Variants in UTP3 observed in about 807,000 individuals in gnomAD.
The protein encoded by UTP3 is something about silencing protein 10.
A neutral mutation model predicts 37.9 loss-of-function variants in UTP3; 19 were observed. The ratio of observed to expected loss-of-function variants is 0.50; its 90% confidence interval spans 0.35 to 0.74. The LOEUF (loss-of-function observed/expected upper bound fraction) is 0.74, where lower values mean the gene tolerates loss of function less well. Among genes scored for constraint, UTP3 ranks in the 30% least tolerant of loss-of-function variants. The probability of loss-of-function intolerance (pLI) is 0.01; values close to 1 mark genes in which losing one functional copy is unlikely to be tolerated. For missense variants in UTP3, 504 were observed against 570.7 expected (o/e 0.88, Z 1.19); for synonymous variants, 242 against 218.5 (o/e 1.11, Z -0.95).
At position 70,690,514 on chromosome 4, in the gene UTP3, A is replaced by G. The variant is rs1264293591; in HGVS notation, c.*397A>G. On this transcript the variant is annotated 3_prime_UTR_variant, in exon 1 of 1. Coordinates refer to ENST00000254803, the MANE Select transcript of UTP3 (RefSeq NM_020368.3). ...TTTACCTAACTATAATTATTGGGCC[A>G]GATACTTGTTAATAAATGGGCTTAA... is the stretch of plus-strand genomic sequence containing the variant. The G allele has an allele frequency of 1.2e-5, 2 of 169,470 alleles. No homozygotes were observed. The highest frequency in any genetic ancestry group is 2.4e-5 in the African/African-American group (1 of 41,510). The allele number at this position is 169,470 out of a possible 1,614,324, so 10.5% of individuals were successfully genotyped here. A position where few individuals can be genotyped will look rare whatever the true frequency, so the allele number is the denominator to read the frequency against.
In UTP3 at chr4:70,689,015, G is replaced by T. The variant is rs1228530011; in HGVS notation, c.338G>T (p.Ser113Ile). Residue 113 changes from serine to isoleucine, a missense_variant, in exon 1 of 1, where the codon AGC (serine) becomes ATC (isoleucine). Ser to Ile is a moderately radical substitution (Grantham distance 142). Coordinates refer to ENST00000254803, the MANE Select transcript of UTP3 (RefSeq NM_020368.3). ...EEENADDDGGSSVQSEAEASV... is the reference protein window; with the variant it reads ...EEENADDDGGISVQSEAEASV... ...GAGAATGCCGATGATGATGGTGGGA[G>T]CTCCGTGCAAAGTGAAGCTGAGGCC... is the stretch of plus-strand genomic sequence containing the variant. 1 of 1,589,676 alleles carries T rather than the reference G, an allele frequency of 6.3e-7. No individual in the cohort carries two copies. The highest frequency in any genetic ancestry group is 8.6e-7 in the Non-Finnish European group (1 of 1,167,150).
Position 70,690,055 on chromosome 4 carries a change from C to T in UTP3, c.1378C>T (p.Arg460Cys), listed in dbSNP as rs758568332. The T allele has an allele frequency of 2.7e-5, 44 of 1,613,414 alleles. No homozygotes were observed. The highest frequency in any genetic ancestry group is 3.7e-5 in the Non-Finnish European group (44 of 1,179,878). ...TCGTGAAGTTCGTAAAGAAGAGCAA[C>T]GTTATAGTGGTGAATTATCTGGCAT... ...QVREVRKEEQ[R>C]YSGELSGIRA... The change falls in exon 1 of 1, where the codon CGT becomes TGT. Residue 460 changes from arginine (R) to cysteine (C), a missense_variant. Arg to Cys is a radical substitution (Grantham distance 180, BLOSUM62 -3). Coordinates refer to ENST00000254803, the MANE Select transcript of UTP3 (RefSeq NM_020368.3).
rs1446627317 is a variant in UTP3 at position 70,690,257 on chromosome 4, A to T, written c.*140A>T. The T allele has an allele frequency of 6.6e-6, 6 of 909,728 alleles. No homozygotes were observed. Among genetic ancestry groups the T allele is most frequent in the Non-Finnish European group, 9.1e-6 (6 of 661,466 alleles). 56.4% of individuals were successfully genotyped at this position (909,728 alleles called of 1,614,324 possible). On this transcript the variant is annotated 3_prime_UTR_variant, in exon 1 of 1. Coordinates refer to ENST00000254803, the MANE Select transcript of UTP3 (RefSeq NM_020368.3). ...GGAAATTTGTCTGGGTTATTGGACAATTTATAAGAACTATGGGAGCAATAT... is the reference window on the plus strand; with the variant it reads ...GGAAATTTGTCTGGGTTATTGGACATTTTATAAGAACTATGGGAGCAATAT...
At position 70,688,717 on chromosome 4, in the gene UTP3, G is replaced by A. The variant is rs764236225; in HGVS notation, c.40G>A (p.Ala14Thr). 6.2e-7 allele frequency: 1 copy of A among 1,613,982 alleles called. No individual in the cohort carries two copies. The highest frequency in any genetic ancestry group is 1.1e-5 in the South Asian group (1 of 91,056). Reference sequence around the variant, plus strand: ...CCGGCGGCGCGGAGCAGCTAAGTGGGCAGCTGTGCGAGCCAAGGCAGGTCC... The same window carrying A: ...CCGGCGGCGCGGAGCAGCTAAGTGGACAGCTGTGCGAGCCAAGGCAGGTCC... ...RSRRRGAAKWAAVRAKAGPTL... is the reference protein window; with the variant it reads ...RSRRRGAAKWTAVRAKAGPTL... Residue 14 changes from alanine to threonine, a missense_variant, in exon 1 of 1, where the codon GCA becomes ACA. Coordinates refer to ENST00000254803, the MANE Select transcript of UTP3 (RefSeq NM_020368.3).
Position 70,689,189 on chromosome 4 carries a change from G to A in UTP3, c.512G>A (p.Arg171His), listed in dbSNP as rs1286325015. 2 of 1,614,012 alleles carry A rather than the reference G, an allele frequency of 1.2e-6. No homozygotes were observed. The highest frequency in any genetic ancestry group is 1.7e-6 in the Non-Finnish European group (2 of 1,180,028). Residue 171 changes from arginine to histidine, a missense_variant, in exon 1 of 1, where the codon CGC becomes CAC. Physicochemically the swap from Arg to His is conservative, Grantham distance 29. Coordinates refer to ENST00000254803, the MANE Select transcript of UTP3 (RefSeq NM_020368.3). ...EEEEAQIIQR[R>H]LAQALQEDDF... ...GAGGAGGCACAGATCATTCAGCGGC[G>A]CCTAGCCCAAGCGCTGCAAGAGGAT... is the stretch of plus-strand genomic sequence containing the variant.
Position 70,689,741 on chromosome 4 carries a change from C to T in UTP3, c.1064C>T (p.Ser355Phe). The change falls in exon 1 of 1, where the codon TCT (serine) becomes TTT (phenylalanine). Residue 355 changes from serine (S) to phenylalanine (F), a missense_variant. Ser to Phe is a radical substitution (Grantham distance 155, BLOSUM62 -2). Transcript: ENST00000254803. ...KPKPKSVSKT[S>F]AAACAVTDLS... Reference sequence around the variant, plus strand: ...AAACCAAAGTCTGTTTCAAAGACTTCTGCTGCTGCCTGTGCTGTTACAGAT... The same window carrying T: ...AAACCAAAGTCTGTTTCAAAGACTTTTGCTGCTGCCTGTGCTGTTACAGAT... The T allele has an allele frequency of 1.9e-6, 3 of 1,614,214 alleles. No individual in the cohort carries two copies. Among genetic ancestry groups the T allele is most frequent in the Middle Eastern group, 1.7e-4 (1 of 6,060 alleles).
In UTP3 at chr4:70,689,878, G is replaced by T; in HGVS notation, c.1201G>T (p.Ala401Ser). The T allele has an allele frequency of 6.2e-7, 1 of 1,613,986 alleles. No individual in the cohort carries two copies. Among genetic ancestry groups the T allele is most frequent in the East Asian group, 2.2e-5 (1 of 44,878 alleles). ...AGAAGAAAATAGCACTGAAGAACAG[G>T]CTCTTGAAGATCAAAATGCAAAGAG... ...KKEENSTEEQALEDQNAKRAI... is the reference protein window; with the variant it reads ...KKEENSTEEQSLEDQNAKRAI... Residue 401 changes from alanine to serine, a missense_variant, in exon 1 of 1, where the codon GCT becomes TCT. Ala to Ser is a moderately conservative substitution (Grantham distance 99). Coordinates refer to ENST00000254803, the MANE Select transcript of UTP3 (RefSeq NM_020368.3).
In UTP3 at chr4:70,688,976, A is replaced by G. The variant is rs766464502; in HGVS notation, c.299A>G (p.Glu100Gly). The change falls in exon 1 of 1, where the codon GAG becomes GGG. Residue 100 changes from glutamate (E) to glycine (G), a missense_variant. Transcript: ENST00000254803. Reference sequence around the variant, plus strand: ...GACGAAGATGGAGGGAATGCGGGGGAGGAGGAGGAGGAGGAGAATGCCGAT... The same window carrying G: ...GACGAAGATGGAGGGAATGCGGGGGGGGAGGAGGAGGAGGAGAATGCCGAT... ...EDDEDGGNAG[E>G]EEEEENADDD... 1.3e-6 allele frequency: 2 copies of G among 1,561,702 alleles called. No homozygotes were observed. Among genetic ancestry groups the G allele is most frequent in the East Asian group, 4.6e-5 (2 of 43,836 alleles).
chr4:70,689,903 G>A lies in UTP3; in HGVS notation c.1226G>A (p.Arg409Lys), dbSNP rs1560418173. The change falls in exon 1 of 1, where the codon AGA (arginine) becomes AAA (lysine). Residue 409 changes from arginine to lysine, a missense_variant. Arg to Lys is a conservative substitution (Grantham distance 26, BLOSUM62 2). Coordinates refer to ENST00000254803, the MANE Select transcript of UTP3 (RefSeq NM_020368.3). ...GCTCTTGAAGATCAAAATGCAAAGA[G>A]AGCTATTACCTATCAAATTGCTAAA... is the stretch of plus-strand genomic sequence containing the variant. ...EQALEDQNAK[R>K]AITYQIAKNR... is the part of the protein sequence containing the mutation. The A allele has an allele frequency of 6.2e-7, 1 of 1,613,884 alleles. No individual in the cohort carries two copies. The highest frequency in any genetic ancestry group is 2.2e-5 in the East Asian group (1 of 44,870).
At position 70,689,706 on chromosome 4, in the gene UTP3, C is replaced by T. The variant is rs140595291; in HGVS notation, c.1029C>T (p.Ser343=). The T allele has an allele frequency of 6.2e-7, 1 of 1,614,162 alleles. No homozygotes were observed. Among genetic ancestry groups the T allele is most frequent in the African/African-American group, 1.3e-5 (1 of 75,036 alleles). The change falls in exon 1 of 1, where the codon TCC becomes TCT. Residue 343 remains serine (S), a synonymous_variant. Transcript: ENST00000254803. ...VKKELIPKAK[S]TKPKPKSVSK... ...AAGAACTGATTCCAAAAGCAAAATC[C>T]ACCAAGCCCAAACCAAAGTCTGTTT...
Position 70,688,766 on chromosome 4 carries a change from A to T in UTP3, c.89A>T (p.Asp30Val), listed in dbSNP as rs1252429650. 1 of 1,614,078 alleles carries T rather than the reference A, an allele frequency of 6.2e-7. No individual in the cohort carries two copies. The highest frequency in any genetic ancestry group is 1.7e-5 in the Admixed American group (1 of 59,996). ...CCCACGCTCACCGACGAAAATGGAGATGATTTAGGATTGCCACCCTCACCA... is the reference window on the plus strand; with the variant it reads ...CCCACGCTCACCGACGAAAATGGAGTTGATTTAGGATTGCCACCCTCACCA... ...AGPTLTDENG[D>V]DLGLPPSPGD... is the part of the protein sequence containing the mutation. The change falls in exon 1 of 1, where the codon GAT (aspartate) becomes GTT (valine). Residue 30 changes from aspartate to valine, a missense_variant. Physicochemically the swap from Asp to Val is radical, Grantham distance 152. Coordinates refer to ENST00000254803, the MANE Select transcript of UTP3 (RefSeq NM_020368.3).
Position 70,689,252 on chromosome 4 carries a change from C to T in UTP3, c.575C>T (p.Pro192Leu), listed in dbSNP as rs748034047. The T allele has an allele frequency of 6.2e-7, 1 of 1,614,028 alleles. No homozygotes were observed. ...GVAWVEAFAK[P>L]VPQVDEAETR... ...GCCTGGGTTGAGGCCTTTGCAAAAC[C>T]AGTGCCTCAGGTAGATGAGGCTGAG... Residue 192 changes from proline (P) to leucine (L), a missense_variant, in exon 1 of 1, where the codon CCA (proline) becomes CTA (leucine). Transcript: ENST00000254803.
rs762783396 is a variant in UTP3 at position 70,689,502 on chromosome 4, T to C, written c.825T>C (p.Tyr275=). ...LRTKYNLYLN[Y]CSNISFYLIL... ...CCAAGTACAACCTCTACTTGAATTA[T>C]TGCTCGAACATCAGTTTTTATTTGA... is the stretch of plus-strand genomic sequence containing the variant. The change falls in exon 1 of 1, where the codon TAT becomes TAC. Residue 275 remains tyrosine, a synonymous_variant. Transcript: ENST00000254803. 7 of 1,614,236 alleles carry C rather than the reference T, an allele frequency of 4.3e-6. No homozygotes were observed. The South Asian group carries it at 6.6e-5, about 15-fold the overall frequency.
In UTP3 at chr4:70,690,075, T is replaced by C; in HGVS notation, c.1398T>C (p.Ser466=). 6.2e-7 allele frequency: 1 copy of C among 1,610,538 alleles called. No homozygotes were observed. The highest frequency in any genetic ancestry group is 8.5e-7 in the Non-Finnish European group (1 of 1,179,194). Residue 466 remains serine (S), a synonymous_variant, in exon 1 of 1, where the codon TCT becomes TCC. Coordinates refer to ENST00000254803, the MANE Select transcript of UTP3 (RefSeq NM_020368.3). The part of the protein sequence containing the change: ...KEEQRYSGEL[S]GIRAGVKKSI... ...AGCAACGTTATAGTGGTGAATTATC[T>C]GGCATTCGTGCAGGAGTTAAAAAGA...
chr4:70,689,326 A>C lies in UTP3; in HGVS notation c.649A>C (p.Lys217Gln). The C allele has an allele frequency of 3.1e-6, 5 of 1,614,182 alleles. No homozygotes were observed. Among genetic ancestry groups the C allele is most frequent in the Non-Finnish European group, 4.2e-6 (5 of 1,180,034 alleles). ...LAKVSVKEKL[K>Q]MLRKESPELL... Reference sequence around the variant, plus strand: ...TAAAGTTTCAGTGAAAGAGAAGCTGAAAATGTTGCGAAAGGAATCACCAGA... The same window carrying C: ...TAAAGTTTCAGTGAAAGAGAAGCTGCAAATGTTGCGAAAGGAATCACCAGA... The change falls in exon 1 of 1, where the codon AAA becomes CAA. Residue 217 changes from lysine to glutamine, a missense_variant. Transcript: ENST00000254803.
chr4:70,688,845 C>T lies in UTP3; in HGVS notation c.168C>T (p.Ser56=), dbSNP rs1302946626. ...TAGATGACTTTCATGAGGCACGATC[C>T]CGGGCCGCCTTAGCTAAGGGCTGGA... ...DQVDDFHEAR[S]RAALAKGWNE... The change falls in exon 1 of 1, where the codon TCC becomes TCT. Residue 56 remains serine (S), a synonymous_variant. Transcript: ENST00000254803. The T allele has an allele frequency of 3.1e-6, 5 of 1,614,084 alleles. No individual in the cohort carries two copies. Among genetic ancestry groups the T allele is most frequent in the Non-Finnish European group, 4.2e-6 (5 of 1,180,024 alleles).
In UTP3 at chr4:70,688,606, C is replaced by G. The variant is rs1163258700; in HGVS notation, c.-72C>G. ...TGTTTAGAGCCACGAGTTACCGGAG[C>G]GCCTGATTCCTGCGCCGAAGTCAGT... On this transcript the variant is annotated 5_prime_UTR_variant, in exon 1 of 1. Transcript: ENST00000254803. 9.6e-6 allele frequency: 14 copies of G among 1,464,574 alleles called. No individual in the cohort carries two copies. In the South Asian group the frequency reaches 1.1e-4, roughly 11 times the overall value. 90.7% of individuals were successfully genotyped at this position (1,464,574 alleles called of 1,614,324 possible).
chr4:70,688,765 G>A lies in UTP3; in HGVS notation c.88G>A (p.Asp30Asn). The change falls in exon 1 of 1, where the codon GAT (aspartate) becomes AAT (asparagine). Residue 30 changes from aspartate to asparagine, a missense_variant. Asp to Asn is a conservative substitution (Grantham distance 23). Coordinates refer to ENST00000254803, the MANE Select transcript of UTP3 (RefSeq NM_020368.3). ...TCCCACGCTCACCGACGAAAATGGA[G>A]ATGATTTAGGATTGCCACCCTCACC... The part of the protein sequence containing the change: ...AGPTLTDENG[D>N]DLGLPPSPGD... 1.2e-6 allele frequency: 2 copies of A among 1,614,176 alleles called. No homozygotes were observed. The highest frequency in any genetic ancestry group is 1.7e-6 in the Non-Finnish European group (2 of 1,180,038).
Position 70,690,195 on chromosome 4 carries a change from A to G in UTP3, c.*78A>G, listed in dbSNP as rs977214868. 2 of 1,318,876 alleles carry G rather than the reference A, an allele frequency of 1.5e-6. No individual in the cohort carries two copies. The highest frequency in any genetic ancestry group is 9.8e-7 in the Non-Finnish European group (1 of 1,016,400). The allele number at this position is 1,318,876 out of a possible 1,614,324, so 81.7% of individuals were successfully genotyped here. ...TTTTAACTAAAGTCATTGTATTAATATATAATACTTTAAATTTTAAAAATT... is the reference window on the plus strand; with the variant it reads ...TTTTAACTAAAGTCATTGTATTAATGTATAATACTTTAAATTTTAAAAATT... On this transcript the variant is annotated 3_prime_UTR_variant, in exon 1 of 1. Coordinates refer to ENST00000254803, the MANE Select transcript of UTP3 (RefSeq NM_020368.3).
Sources: gnomAD v4.1 joint callset for allele counts on GRCh38, gnomAD v4.1.1 for gene constraint, MANE v1.5 for transcripts, NCBI Gene and HGNC (gene_info 2026-07-23, HGNC 2026-07-21) for gene names.